The following XKR9 variants were observed in gnomAD, a reference collection of about 807,000 sequenced individuals.
XKR9 encodes the protein XK-related protein 9.
A neutral mutation model predicts 32.0 loss-of-function variants in XKR9; 32 were observed. That is an observed-to-expected ratio of 1.00 (90% confidence interval 0.76 to 1.34). The LOEUF (loss-of-function observed/expected upper bound fraction) is 1.34. Among genes scored for constraint, XKR9 ranks in the 40% most tolerant of loss-of-function variants. The pLI is 0.00. For missense variants in XKR9, 546 were observed against 429.7 expected, an observed-to-expected ratio of 1.27 and a Z score of -2.39; for synonymous variants, 168 against 143.4, an observed-to-expected ratio of 1.17 and a Z score of -1.22.
the XKR9 span, among the ~76,000 whole-genome samples, chr8:70,887,269 T>A: frequency 6.6e-6 from 1 of 152,184 alleles, no homozygotes; most frequent in East Asian, 1.9e-4. Context: ...TCTGTTCTGT[T>A]CCATTGGTCT....
chr8:70,905,871 G>C, the XKR9 span, among the ~76,000 whole-genome samples: 1 of 152,236 alleles, frequency 6.6e-6, no homozygotes, highest in Non-Finnish European at 1.5e-5. Flanking sequence ...CTGCAGGTCT[G>C]TTGGAGTTTG....
the XKR9 span, among the ~76,000 whole-genome samples, chr8:71,045,797 G>C: frequency 6.6e-6 from 1 of 152,194 alleles, no homozygotes; most frequent in Non-Finnish European, 1.5e-5. Flanking sequence ...GCTTTGATGT[G>C]GTATGTGCCT....
the XKR9 span, among the ~76,000 whole-genome samples, chr8:70,984,899 A>T: frequency 6.6e-6 from 1 of 152,248 alleles, no homozygotes; most frequent in South Asian, 2.1e-4. Context: ...TGTCATCTTC[A>T]TTAATTGCTA....
intron 2 of XKR9, among the ~76,000 whole-genome samples, chr8:70,765,248 G>T (rs1391289119): frequency 6.6e-6 from 1 of 152,162 alleles, no homozygotes; most frequent in East Asian, 1.9e-4. Context: ...ATCCTCTTCA[G>T]CATCTGCTGT....
the XKR9 span, among the ~76,000 whole-genome samples, chr8:70,977,788 C>A: frequency 0.071 from 10,781 of 152,142 alleles, 434 homozygotes; most frequent in Non-Finnish European, 0.084. Context: ...CCTGGATATC[C>A]CTGTTAACCT....
chr8:70,772,736 A>C (rs994380318), intron 2 of XKR9, among the ~76,000 whole-genome samples: 2 of 152,174 alleles, frequency 1.3e-5, no homozygotes, highest in African/African-American at 4.8e-5. Context: ...AAATTAAAAG[A>C]CCTTTTGAAA....
chr8:70,802,923 T>C, the XKR9 span, among the ~76,000 whole-genome samples: 2 of 152,184 alleles, frequency 1.3e-5, no homozygotes, highest in Admixed American at 6.5e-5. Flanking sequence ...CTGATGACAA[T>C]GTGGCTTGGG....
At chr8:70,779,392 G>A (rs886882674) in intron 2 of XKR9, among the ~76,000 whole-genome samples, 1 of 152,110 alleles carries the variant, frequency 6.6e-6, no homozygotes, top group African/African-American at 2.4e-5. Context: ...TGTTCATCAG[G>A]GATATTGGCC....
the XKR9 span, among the ~76,000 whole-genome samples, chr8:71,048,758 T>A: frequency 6.6e-6 from 1 of 152,222 alleles, no homozygotes; most frequent in Non-Finnish European, 1.5e-5. Flanking sequence ...AATAAGTGAA[T>A]CATCATAATT....
At chr8:70,812,905 A>C in the XKR9 span, among the ~76,000 whole-genome samples, 8 of 152,318 alleles carry the variant, frequency 5.3e-5, no homozygotes, top group Middle Eastern at 3.4e-3. Context: ...CCCCATCAAG[A>C]TACCAATGGC....
rs558599384 is a variant in XKR9 at position 70,681,478 on chromosome 8, A to G, written c.272+148A>G. The G allele has an allele frequency of 1.2e-4, 112 of 927,320 alleles. No individual in the cohort carries two copies. The South Asian group carries it at 2.2e-3, about 18-fold the overall frequency. The allele number at this position is 927,320 out of a possible 1,614,324, so 57.4% of individuals were successfully genotyped here. A position where few individuals can be genotyped will look rare whatever the true frequency, so the allele number is the denominator to read the frequency against. Reference sequence around the variant, plus strand: ...ACTTGCTCCTCACTATTGTGCTAATATAAGTCATTGCCATACTGTCAGAAT... The same window carrying G: ...ACTTGCTCCTCACTATTGTGCTAATGTAAGTCATTGCCATACTGTCAGAAT... On this transcript the variant is annotated intron_variant, in intron 3 of 4. Coordinates refer to ENST00000408926, the MANE Select transcript of XKR9 (RefSeq NM_001011720.2).
chr8:70,742,983 CTGGCCATTATTATTCTCA>C (rs1439901675), intron 2 of XKR9, among the ~76,000 whole-genome samples: 1 of 151,918 alleles, frequency 6.6e-6, no homozygotes, highest in African/African-American at 2.4e-5. Context: ...TAGGAAGTTT[CTGGCCATTATTATTCTCA>C]TGGTTTTTCT....
intron 3 of XKR9, among the ~76,000 whole-genome samples, 186 bp from the exon 4 acceptor site, chr8:70,706,747 G>A (rs1419105169): frequency 6.6e-6 from 1 of 151,942 alleles, no homozygotes; most frequent in African/African-American, 2.4e-5. Context: ...ATACAATAAA[G>A]GTTTACAGGG....
At chr8:70,682,088 A>G (rs1181155164) in intron 3 of XKR9, among the ~76,000 whole-genome samples, 4 of 152,166 alleles carry the variant, frequency 2.6e-5, no homozygotes, top group Admixed American at 2.0e-4. Context: ...TGTTTTTAAT[A>G]TGTAAAAGAA....
the XKR9 span, among the ~76,000 whole-genome samples, chr8:70,850,276 A>G: frequency 2.6e-5 from 4 of 151,954 alleles, no homozygotes; most frequent in Admixed American, 6.6e-5. Flanking sequence ...CCTTGCTAAC[A>G]TGGTGAAACC....
chr8:70,806,951 C>A, the XKR9 span, among the ~76,000 whole-genome samples: 2 of 152,016 alleles, frequency 1.3e-5, no homozygotes, highest in African/African-American at 4.8e-5. Context: ...GATCAACCCC[C>A]AGAGACATAA....
the XKR9 span, among the ~76,000 whole-genome samples, chr8:71,063,540 T>A: frequency 6.6e-6 from 1 of 151,060 alleles, no homozygotes; most frequent in Non-Finnish European, 1.5e-5. Context: ...GGGAAAAAAA[T>A]TCAGAGCAAG....
the XKR9 span, among the ~76,000 whole-genome samples, chr8:71,042,099 A>G: frequency 1.8e-4 from 27 of 152,298 alleles, no homozygotes; most frequent in African/African-American, 3.9e-4. Flanking sequence ...AGTGACTGCC[A>G]TATGTGCTGG....
At chr8:70,696,553 G>GGTACC (rs1044295947) in intron 3 of XKR9, among the ~76,000 whole-genome samples, 5 of 149,030 alleles carry the variant, frequency 3.4e-5, no homozygotes, top group Admixed American at 2.0e-4. Context: ...TCTCTGTTTT[G>GGTACC]GTACCAGTAC....
Sources: allele counts gnomAD v4.1 joint callset (sites outside exome capture counted in the v4.1 genomes callset), GRCh38; gene constraint gnomAD v4.1.1; transcripts MANE v1.5; gene names NCBI Gene and HGNC (gene_info 2026-07-23, HGNC 2026-07-21).